EPHB1: variants seen among roughly 807,000 people sequenced by gnomAD.
The protein encoded by EPHB1 is ephrin type-B receptor 1.
A neutral mutation model predicts 94.4 loss-of-function variants in EPHB1; 30 were observed. The ratio of observed to expected loss-of-function variants is 0.32; its 90% CI spans 0.24 to 0.43. The LOEUF is 0.43. Ranked by LOEUF, EPHB1 falls within the 20% of genes least tolerant of loss-of-function variation. EPHB1 has a pLI of 1.00. For missense variants in EPHB1, 1,055 were observed against 1,308.3 expected (o/e 0.81, Z 2.99); for synonymous variants, 522 against 489.1 (o/e 1.07, Z -0.89).
intron 2 of EPHB1, among the ~76,000 whole-genome samples, chr3:134,945,465 T>C (rs2039200952): frequency 6.6e-6 from 1 of 152,182 alleles, no homozygotes; most frequent in African/African-American, 2.4e-5. Context: ...GGGCACCTAG[T>C]TATCACTACA....
intron 3 of EPHB1, among the ~76,000 whole-genome samples, chr3:135,103,770 T>C (rs1387095897): frequency 6.6e-6 from 1 of 152,092 alleles, no homozygotes; most frequent in Non-Finnish European, 1.5e-5. Flanking sequence ...CTGGAACCTC[T>C]CTCTTCAACC....
chr3:134,989,994 T>G (rs902395374), intron 3 of EPHB1, among the ~76,000 whole-genome samples: 1 of 152,192 alleles, frequency 6.6e-6, no homozygotes, highest in Non-Finnish European at 1.5e-5. Flanking sequence ...CTTTTTTTAT[T>G]TTAAGGTTTA....
chr3:134,926,621 G>T (rs1320162541), intron 2 of EPHB1, among the ~76,000 whole-genome samples: 1 of 152,198 alleles, frequency 6.6e-6, no homozygotes, highest in Non-Finnish European at 1.5e-5. Flanking sequence ...GTGTATGGAA[G>T]AGAGCATGGT....
intron 1 of EPHB1, among the ~76,000 whole-genome samples, chr3:134,807,402 C>T (rs1192558217): frequency 6.6e-6 from 1 of 152,034 alleles, no homozygotes; most frequent in African/African-American, 2.4e-5. Flanking sequence ...ACGTGATAGA[C>T]TCTGATGGAT....
chr3:135,181,172 A>G (rs16842753), intron 10 of EPHB1, among the ~76,000 whole-genome samples: 8,762 of 152,276 alleles, frequency 0.058, 389 homozygotes, highest in East Asian at 0.23. Context: ...TTAGGCCGCC[A>G]TCTTCCTGCT....
At chr3:135,033,860 A>G (rs912206388) in intron 3 of EPHB1, among the ~76,000 whole-genome samples, 2 of 152,194 alleles carry the variant, frequency 1.3e-5, no homozygotes, top group Non-Finnish European at 2.9e-5. Flanking sequence ...TGAAAGCTGA[A>G]TAATGTGTCA....
rs1933180109 is a variant in EPHB1 at position 135,252,715 on chromosome 3, C to T, written c.2846+3224C>T. ...CTTTATAGCAGCATGATTTATAGTC[C>T]TTTGGGTATATACCCAGTAATGGGA... On this transcript the variant is annotated intron_variant, in intron 15 of 15. Transcript: ENST00000398015. 7.8e-5 allele frequency among the ~76,000 whole-genome samples: 11 copies of T among 141,626 alleles called. 2 individuals are homozygous for T. In the South Asian group the frequency reaches 2.2e-3, roughly 29 times the overall value. The allele number at this position is 141,626 out of a possible 152,430, so 92.9% of individuals were successfully genotyped here.
At chr3:135,007,803 T>G (rs1935477736) in intron 3 of EPHB1, among the ~76,000 whole-genome samples, 1 of 152,250 alleles carries the variant, frequency 6.6e-6, no homozygotes, top group Admixed American at 6.5e-5. Flanking sequence ...TTTCTGTCAC[T>G]TCCTGATTTG....
intron 3 of EPHB1, among the ~76,000 whole-genome samples, chr3:135,011,358 G>C (rs1049914923): frequency 3.9e-5 from 6 of 152,178 alleles, no homozygotes; most frequent in African/African-American, 4.8e-5. Context: ...GATGCATCTT[G>C]ATTTTATCTT....
chr3:134,804,106 T>G (rs1311009542), intron 1 of EPHB1, among the ~76,000 whole-genome samples: 1 of 92,244 alleles, frequency 1.1e-5, no homozygotes, highest in Non-Finnish European at 2.1e-5. Flanking sequence ...TTTTTTTTTT[T>G]GCTGCATGTC....
intron 15 of EPHB1, among the ~76,000 whole-genome samples, chr3:135,257,740 C>A (rs1183260431): frequency 1.3e-5 from 2 of 149,890 alleles, no homozygotes; most frequent in Non-Finnish European, 3.0e-5. Context: ...CTGGGCTCCA[C>A]CCAGTTCGAG....
chr3:134,814,624 G>A (rs552094556), intron 1 of EPHB1, among the ~76,000 whole-genome samples: 132 of 152,278 alleles, frequency 8.7e-4, no homozygotes, highest in African/African-American at 2.9e-3. Context: ...AGAATCATCC[G>A]AAATGGGGAA....
At chr3:135,017,229 C>G (rs1170311622) in intron 3 of EPHB1, among the ~76,000 whole-genome samples, 4 of 152,126 alleles carry the variant, frequency 2.6e-5, no homozygotes, top group African/African-American at 9.7e-5. Flanking sequence ...CCTGCATCTC[C>G]CACCTTCCCT....
intron 3 of EPHB1, among the ~76,000 whole-genome samples, chr3:134,996,152 C>T (rs1238584285): frequency 6.6e-6 from 1 of 152,100 alleles, no homozygotes; most frequent in East Asian, 1.9e-4. Context: ...AATTAGGTTC[C>T]TTATTTACAT....
At chr3:135,073,064 GC>G (rs1405494525) in intron 3 of EPHB1, among the ~76,000 whole-genome samples, 1 of 151,668 alleles carries the variant, frequency 6.6e-6, no homozygotes, top group Non-Finnish European at 1.5e-5. Flanking sequence ...CTTTCTATAG[GC>G]TCTCAGGTTT....
chr3:135,016,457 A>T (rs918137037), intron 3 of EPHB1, among the ~76,000 whole-genome samples: 13 of 152,192 alleles, frequency 8.5e-5, no homozygotes, highest in African/African-American at 3.1e-4. Context: ...AGATTGGAGG[A>T]GGGGAACAAG....
intron 1 of EPHB1, among the ~76,000 whole-genome samples, chr3:134,860,798 C>CAAAAAAAAA (rs10666494): frequency 1.1e-5 from 1 of 93,718 alleles, no homozygotes; most frequent in African/African-American, 4.5e-5. Flanking sequence ...GGCCAGGTGA[C>CAAAAAAAAA]AAAAAAAAAA....
intron 1 of EPHB1, among the ~76,000 whole-genome samples, chr3:134,801,419 C>T (rs997653812): frequency 5.3e-5 from 8 of 152,166 alleles, no homozygotes; most frequent in East Asian, 1.9e-4. Context: ...CTGGGGGCAG[C>T]GGAGGGGGCA....
At chr3:135,089,549 C>T (rs970470794) in intron 3 of EPHB1, among the ~76,000 whole-genome samples, 6 of 152,294 alleles carry the variant, frequency 3.9e-5, no homozygotes, top group East Asian at 3.9e-4. Context: ...CATCAGGTGC[C>T]GAGGGTAGGA....
Sources: allele counts gnomAD v4.1 joint callset (sites outside exome capture counted in the v4.1 genomes callset), GRCh38; gene constraint gnomAD v4.1.1; transcripts MANE v1.5; gene names NCBI Gene and HGNC (gene_info 2026-07-23, HGNC 2026-07-21).